Variants in RASGRP3 observed in about 807,000 individuals in gnomAD.
The protein encoded by RASGRP3 is ras guanyl-releasing protein 3.
A neutral mutation model predicts 82.7 loss-of-function variants in RASGRP3; 54 were observed. That is an observed-to-expected ratio of 0.65 (90% CI 0.52 to 0.82). RASGRP3 has a LOEUF of 0.82. RASGRP3 is among the 40% of genes least tolerant of loss of function. RASGRP3 has a pLI of 0.00. For missense variants in RASGRP3, 861 were observed against 828.9 expected (o/e 1.04, Z -0.48); for synonymous variants, 309 against 300.5 (o/e 1.03, Z -0.29).
chr2:33,441,055 C>A (rs1178323082), intron 1 of RASGRP3, among the ~76,000 whole-genome samples: 1 of 152,018 alleles, frequency 6.6e-6, no homozygotes, highest in Non-Finnish European at 1.5e-5. Flanking sequence ...ACTGCACCCA[C>A]TAATTTTTGT....
chr2:33,464,710 C>A (rs2150905078), intron 2 of RASGRP3, among the ~76,000 whole-genome samples: 1 of 152,210 alleles, frequency 6.6e-6, no homozygotes, highest in South Asian at 2.1e-4. Flanking sequence ...CTCTTGGGCC[C>A]CAGCAATTGT....
At chr2:33,503,226 C>A (rs1670047054) in intron 1 of RASGRP3, among the ~76,000 whole-genome samples, 1 of 151,744 alleles carries the variant, frequency 6.6e-6, no homozygotes, top group Non-Finnish European at 1.5e-5. Context: ...TTTTTTTGTT[C>A]TGATAAGGAG....
chr2:33,445,451 T>C (rs1312612137), intron 1 of RASGRP3, among the ~76,000 whole-genome samples: 3 of 152,218 alleles, frequency 2.0e-5, no homozygotes, highest in Non-Finnish European at 4.4e-5. Flanking sequence ...TGACCATTCA[T>C]TGCATGATTT....
intron 1 of RASGRP3, among the ~76,000 whole-genome samples, chr2:33,509,590 T>C (rs1670737912): frequency 6.6e-6 from 1 of 152,220 alleles, no homozygotes; most frequent in Admixed American, 6.5e-5. Context: ...TTTCTCATAA[T>C]TGAAAAGACT....
At chr2:33,507,873 G>GAT (rs1670542253) in intron 1 of RASGRP3, among the ~76,000 whole-genome samples, 1 of 152,222 alleles carries the variant, frequency 6.6e-6, no homozygotes, top group African/African-American at 2.4e-5. Context: ...ATGGAGAATA[G>GAT]ATTGTAGTAA....
intron 1 of RASGRP3, among the ~76,000 whole-genome samples, chr2:33,438,490 A>C: frequency 6.7e-6 from 1 of 149,912 alleles, no homozygotes; most frequent in South Asian, 2.1e-4. Flanking sequence ...TGAACCCAGG[A>C]GGTGGAGGTT....
intron 1 of RASGRP3, among the ~76,000 whole-genome samples, chr2:33,442,689 C>G (rs143878263): frequency 6.6e-6 from 1 of 152,214 alleles, no homozygotes; most frequent in Non-Finnish European, 1.5e-5. Context: ...CAAAGACATG[C>G]ACTTTTTTCA....
intron 1 of RASGRP3, among the ~76,000 whole-genome samples, chr2:33,445,947 T>G (rs1665477101): frequency 6.6e-6 from 1 of 151,992 alleles, no homozygotes; most frequent in Non-Finnish European, 1.5e-5. Flanking sequence ...CAACGAAAAA[T>G]GAGGAAGTAA....
At chr2:33,515,556 T>C (rs145418093) in intron 3 of RASGRP3, among the ~76,000 whole-genome samples, 3 of 152,342 alleles carry the variant, frequency 2.0e-5, no homozygotes, top group Non-Finnish European at 4.4e-5. Flanking sequence ...GAATGCTGCT[T>C]GCCTCTTCCC....
At chr2:33,512,837 A>G (rs1232581080) in intron 2 of RASGRP3, among the ~76,000 whole-genome samples, 1 of 152,214 alleles carries the variant, frequency 6.6e-6, no homozygotes, top group African/African-American at 2.4e-5. Flanking sequence ...CAGAGAACAA[A>G]CACAAAAATC....
In RASGRP3 at chr2:33,520,600, T is replaced by A. The variant is rs1039192555; in HGVS notation, c.284T>A (p.Leu95Ter). The change falls in exon 6 of 18, where the codon TTG (leucine) becomes TAG (stop). Residue 95 changes from leucine to a stop codon, truncating the protein, a stop_gained. Transcript: ENST00000403687. LOFTEE classifies it high-confidence loss of function. ...GCAGAGTTTAATTTGGATCTTGGTT[T>A]GATTCGTATGACTGAGGAATTTCGG... The part of the protein sequence containing the change: ...FPAEFNLDLG[L>*]IRMTEEFREV... 1 of 1,614,048 alleles carries A rather than the reference T, an allele frequency of 6.2e-7. No individual in the cohort carries two copies. Among genetic ancestry groups the A allele is most frequent in the Non-Finnish European group, 8.5e-7 (1 of 1,179,884 alleles).
At chr2:33,496,292 A>G (rs566189339) in intron 1 of RASGRP3, among the ~76,000 whole-genome samples, 5 of 152,242 alleles carry the variant, frequency 3.3e-5, no homozygotes, top group Non-Finnish European at 7.3e-5. Flanking sequence ...TAGTGTGTGG[A>G]CAGGAACTCT....
chr2:33,436,403 A>T (rs753945525), exon 1 of RASGRP3: 1 of 152,204 alleles, frequency 6.6e-6, no homozygotes. Flanking sequence ...ACAGCTTGCA[A>T]ATTTCAATTT....
intron 1 of RASGRP3, among the ~76,000 whole-genome samples, chr2:33,490,506 T>G (rs528528254): frequency 6.6e-6 from 1 of 152,338 alleles, no homozygotes; most frequent in South Asian, 2.1e-4. Flanking sequence ...TCAACATGAT[T>G]GACAGCTTCA....
At chr2:33,459,975 G>A (rs767403233) in intron 2 of RASGRP3, among the ~76,000 whole-genome samples, 4 of 152,116 alleles carry the variant, frequency 2.6e-5, no homozygotes, top group African/African-American at 7.2e-5. Flanking sequence ...GCTAGAGTTC[G>A]GTCAAGGAAA....
rs1677040380 is a variant in RASGRP3, at chr2:33,564,569, TTAATAAACATTGTACTG to T, written c.*1834_*1850del. 6.6e-6 allele frequency: 1 copy of T among 152,256 alleles called. No individual in the cohort carries two copies. The highest frequency in any genetic ancestry group is 1.5e-5 in the Non-Finnish European group (1 of 68,044). The allele number at this position is 152,256 out of a possible 1,614,324, so 9.4% of individuals were successfully genotyped here. ...TGAAGAAAATTCAGGAAGAAACGTGTTAATAAACATTGTACTGTTCTTTTGCTTCTCAAAGGAATTAT... is the reference window on the plus strand; with the variant it reads ...TGAAGAAAATTCAGGAAGAAACGTGTTTCTTTTGCTTCTCAAAGGAATTAT... On this transcript the variant is annotated 3_prime_UTR_variant, in exon 18 of 18. Coordinates refer to ENST00000403687, the MANE Select transcript of RASGRP3 (RefSeq NM_001139488.2).
At chr2:33,501,443 T>C (rs1669868915) in intron 1 of RASGRP3, among the ~76,000 whole-genome samples, 1 of 152,204 alleles carries the variant, frequency 6.6e-6, no homozygotes, top group Non-Finnish European at 1.5e-5. Flanking sequence ...ATATGATAAC[T>C]CTATGTTTAA....
intron 11 of RASGRP3, among the ~76,000 whole-genome samples, chr2:33,537,533 C>G (rs1267258929): frequency 6.6e-6 from 1 of 151,744 alleles, no homozygotes; most frequent in African/African-American, 2.4e-5. Flanking sequence ...TAATTTTTTT[C>G]TATTTTTAGT....
In RASGRP3 at chr2:33,563,470, A is replaced by ATACTT. The variant is rs141965100; in HGVS notation, c.*734_*738dup. On this transcript the variant is annotated 3_prime_UTR_variant, in exon 18 of 18. Coordinates refer to ENST00000403687, the MANE Select transcript of RASGRP3 (RefSeq NM_001139488.2). Reference sequence around the variant, plus strand: ...TAGCATGGTCGTGAAAGCTCTCCTAATACTTACTTAAATAGCCATGGAAGA... The same window carrying ATACTT: ...TAGCATGGTCGTGAAAGCTCTCCTAATACTTTACTTACTTAAATAGCCATGGAAGA... The ATACTT allele has an allele frequency of 6.6e-6, 1 of 152,078 alleles. No individual in the cohort carries two copies. Among genetic ancestry groups the ATACTT allele is most frequent in the African/African-American group, 2.4e-5 (1 of 41,440 alleles). The allele number at this position is 152,078 out of a possible 1,614,324, so 9.4% of individuals were successfully genotyped here.
Sources: gnomAD v4.1 joint callset for allele counts (sites outside exome capture counted in the v4.1 genomes callset) on GRCh38, gnomAD v4.1.1 for gene constraint, MANE v1.5 for transcripts, NCBI Gene and HGNC (gene_info 2026-07-23, HGNC 2026-07-21) for gene names.